TRABD2B: variants seen among roughly 807,000 people sequenced by gnomAD.
TRABD2B encodes metalloprotease TIKI2.
In TRABD2B, 14 loss-of-function variants were observed where a neutral mutation model predicts 40.1. The ratio of observed to expected loss-of-function variants is 0.35; its 90% CI spans 0.23 to 0.55. TRABD2B has a LOEUF of 0.55. Ranked by LOEUF, TRABD2B falls within the 20% of genes least tolerant of loss-of-function variation. The probability of loss-of-function intolerance (pLI) is 0.90; values close to 1 mark genes in which losing one functional copy is unlikely to be tolerated. For missense variants in TRABD2B, 541 were observed against 648.6 expected, an observed-to-expected ratio of 0.83 and a Z score of 1.80; for synonymous variants, 263 against 277.0, an observed-to-expected ratio of 0.95 and a Z score of 0.50.
chr1:47,884,418 G>A (rs1644344488), intron 2 of TRABD2B, among the ~76,000 whole-genome samples: 1 of 152,154 alleles, frequency 6.6e-6, no homozygotes, highest in Non-Finnish European at 1.5e-5. Context: ...GACACTAAGA[G>A]TTTTGGGGTT....
intron 2 of TRABD2B, among the ~76,000 whole-genome samples, chr1:47,840,075 T>C (rs1246967123): frequency 1.3e-5 from 2 of 152,098 alleles, no homozygotes; most frequent in Non-Finnish European, 2.9e-5. Context: ...CAGGGCCTAA[T>C]GAGAGTCTGG....
intron 4 of TRABD2B, among the ~76,000 whole-genome samples, chr1:47,780,892 C>A (rs1644512477): frequency 6.6e-6 from 1 of 152,236 alleles, no homozygotes; most frequent in African/African-American, 2.4e-5. Flanking sequence ...TGCCCCGCAG[C>A]CTGTGATCCT....
intron 2 of TRABD2B, among the ~76,000 whole-genome samples, chr1:47,906,170 A>G (rs916347285): frequency 1.3e-5 from 2 of 152,218 alleles, no homozygotes; most frequent in Non-Finnish European, 2.9e-5. Context: ...CTAAGGCCCC[A>G]TGAAAGAAAA....
intron 2 of TRABD2B, among the ~76,000 whole-genome samples, chr1:47,891,315 G>A (rs1644442035): frequency 6.6e-6 from 1 of 152,182 alleles, no homozygotes; most frequent in Admixed American, 6.5e-5. Context: ...ACGCCATGTA[G>A]GAAAAGGTGC....
At chr1:47,853,331 T>G (rs1643854270) in intron 2 of TRABD2B, among the ~76,000 whole-genome samples, 1 of 152,196 alleles carries the variant, frequency 6.6e-6, no homozygotes, top group Non-Finnish European at 1.5e-5. Context: ...CAATATTTGC[T>G]GGTACATATT....
intron 2 of TRABD2B, among the ~76,000 whole-genome samples, chr1:47,858,369 C>T (rs929691796): frequency 3.3e-5 from 5 of 151,894 alleles, no homozygotes; most frequent in Non-Finnish European, 5.9e-5. Context: ...GCAATCCTTC[C>T]GCCTCAGCCT....
At chr1:47,951,397 T>C (rs1414189221) in intron 2 of TRABD2B, among the ~76,000 whole-genome samples, 1 of 152,096 alleles carries the variant, frequency 6.6e-6, no homozygotes, top group East Asian at 1.9e-4. Flanking sequence ...AAATGATAAA[T>C]AAATAAACCT....
At chr1:47,776,171 G>A (rs953223576) in intron 5 of TRABD2B, among the ~76,000 whole-genome samples, 5 of 151,666 alleles carry the variant, frequency 3.3e-5, no homozygotes, top group Admixed American at 2.6e-4. Context: ...AAGATTATTA[G>A]CATTGTGCAT....
In TRABD2B at chr1:47,942,986, C is replaced by T. The variant is rs149467232; in HGVS notation, c.666+51048G>A. ...TCTATTTTGAAAGCCTAAACCCAAA[C>T]GTACTTGAATCCAAAAGAAGAGCAC... is the stretch of plus-strand genomic sequence containing the variant. On this transcript the variant is annotated intron_variant, in intron 2 of 6. Transcript: ENST00000606738. 1.7e-3 allele frequency among the ~76,000 whole-genome samples: 258 copies of T among 152,316 alleles called. 1 individual carries two copies. The highest frequency in any genetic ancestry group is 3.1e-3 in the African/African-American group (128 of 41,572).
intron 4 of TRABD2B, among the ~76,000 whole-genome samples, chr1:47,783,488 A>G (rs1644553859): frequency 1.3e-5 from 2 of 152,158 alleles, no homozygotes; most frequent in Non-Finnish European, 2.9e-5. Context: ...GATGGGTGGG[A>G]TTCAGATGCA....
At chr1:47,979,491 C>G (rs1406351587) in intron 2 of TRABD2B, among the ~76,000 whole-genome samples, 1 of 152,178 alleles carries the variant, frequency 6.6e-6, no homozygotes, top group Non-Finnish European at 1.5e-5. Context: ...CAACCAATCT[C>G]ACACCCACCA....
chr1:47,948,132 C>T (rs2148376232), intron 2 of TRABD2B, among the ~76,000 whole-genome samples: 1 of 152,168 alleles, frequency 6.6e-6, no homozygotes, highest in South Asian at 2.1e-4. Context: ...ATGACGCAGG[C>T]CGTAAAATCT....
chr1:47,791,307 G>T (rs1243377657), intron 4 of TRABD2B, among the ~76,000 whole-genome samples: 2 of 152,244 alleles, frequency 1.3e-5, no homozygotes, highest in African/African-American at 2.4e-5. Flanking sequence ...AATGACAGAA[G>T]AGCCCCCAGC....
At chr1:47,937,139 T>C (rs1470098687) in intron 2 of TRABD2B, among the ~76,000 whole-genome samples, 204 of 42,772 alleles carry the variant, frequency 4.8e-3, no homozygotes, top group African/African-American at 8.6e-3. Flanking sequence ...TCACCATCAT[T>C]ACCACTACCA....
chr1:47,794,462 C>G lies in TRABD2B; in HGVS notation c.988+124G>C. 3 of 1,100,340 alleles carry G rather than the reference C, an allele frequency of 2.7e-6. No individual in the cohort carries two copies. In the East Asian group the frequency reaches 8.5e-5, roughly 31 times the overall value. 68.2% of individuals were successfully genotyped at this position (1,100,340 alleles called of 1,614,324 possible). ...TGGATCTCGGTGCTGCTGCTAAGCA[C>G]TGTGTGGCTTTTCCTGCCCCATCCT... On this transcript the variant is annotated intron_variant, in intron 4 of 6. Coordinates refer to ENST00000606738, the MANE Select transcript of TRABD2B (RefSeq NM_001194986.2).
At chr1:47,976,771 G>T (rs1645761984) in intron 2 of TRABD2B, among the ~76,000 whole-genome samples, 1 of 152,192 alleles carries the variant, frequency 6.6e-6, no homozygotes. Flanking sequence ...CTGGCATGCA[G>T]CAGGCACAGA....
In TRABD2B at chr1:47,917,569, T is replaced by TA. The variant is rs113578339; in HGVS notation, c.666+76464dup. ...GGCCTTGTGTCTATAAAAAATAAAATAAAAAAAAAAAGCCAAGCATGGTGG... is the reference window on the plus strand; with the variant it reads ...GGCCTTGTGTCTATAAAAAATAAAATAAAAAAAAAAAAGCCAAGCATGGTGG... On this transcript the variant is annotated intron_variant, in intron 2 of 6. Coordinates refer to ENST00000606738, the MANE Select transcript of TRABD2B (RefSeq NM_001194986.2). Among the ~76,000 whole-genome samples, 84 of 140,696 alleles carry TA rather than the reference T, an allele frequency of 6.0e-4. 1 individual carries two copies. Among genetic ancestry groups the TA allele is most frequent in the Middle Eastern group, 7.3e-3 (2 of 274 alleles). The allele number at this position is 140,696 out of a possible 152,430, so 92.3% of individuals were successfully genotyped here.
chr1:47,785,166 G>A (rs1644578642), intron 4 of TRABD2B, among the ~76,000 whole-genome samples: 1 of 152,200 alleles, frequency 6.6e-6, no homozygotes, highest in Admixed American at 6.5e-5. Flanking sequence ...TGGCAATAGT[G>A]AGGGTTGGAA....
At position 47,762,976 on chromosome 1, in the gene TRABD2B, C is replaced by T. The variant is rs1644260401; in HGVS notation, c.*2926G>A. On this transcript the variant is annotated 3_prime_UTR_variant, in exon 7 of 7. Transcript: ENST00000606738. Reference sequence around the variant, plus strand: ...CTGGGTCTCAGACCTTTCATCTTTCCTGCCTGCCTCACAGTCAAACAGAAA... The same window carrying T: ...CTGGGTCTCAGACCTTTCATCTTTCTTGCCTGCCTCACAGTCAAACAGAAA... 1 of 152,256 alleles carries T rather than the reference C, an allele frequency of 6.6e-6. No homozygotes were observed. The highest frequency in any genetic ancestry group is 2.4e-5 in the African/African-American group (1 of 41,462). The allele number at this position is 152,256 out of a possible 1,614,324, so 9.4% of individuals were successfully genotyped here.
Sources: allele counts gnomAD v4.1 joint callset (sites outside exome capture counted in the v4.1 genomes callset), GRCh38; gene constraint gnomAD v4.1.1; transcripts MANE v1.5; gene names NCBI Gene and HGNC (gene_info 2026-07-23, HGNC 2026-07-21).